Variants in KCNIP1 observed in about 807,000 individuals in gnomAD.
KCNIP1 encodes A-type potassium channel modulatory protein KCNIP1.
Under a neutral mutation model 33.0 loss-of-function variants are expected in KCNIP1, and 18 were observed. That is an observed-to-expected ratio of 0.55 (90% CI 0.38 to 0.81). The LOEUF is 0.81. KCNIP1 is among the 30% of genes least tolerant of loss of function. The probability of loss-of-function intolerance (pLI) is 0.00; values close to 1 mark genes in which losing one functional copy is unlikely to be tolerated. For missense variants in KCNIP1, 238 were observed against 271.6 expected (o/e 0.88, Z 0.87); for synonymous variants, 93 against 98.3 (o/e 0.95, Z 0.32).
intron 1 of KCNIP1, among the ~76,000 whole-genome samples, chr5:170,542,676 C>T (rs1756257129): frequency 6.6e-6 from 1 of 152,058 alleles, no homozygotes; most frequent in Non-Finnish European, 1.5e-5. Context: ...TACTTATATA[C>T]CTATGATAAA....
At chr5:170,471,490 C>T (rs1211395511) in intron 1 of KCNIP1, among the ~76,000 whole-genome samples, 1 of 152,206 alleles carries the variant, frequency 6.6e-6, no homozygotes, top group African/African-American at 2.4e-5. Flanking sequence ...TGATCCATCT[C>T]CCTTTTCACA....
chr5:170,365,875 G>T (rs958814804), intron 1 of KCNIP1, among the ~76,000 whole-genome samples: 1 of 152,146 alleles, frequency 6.6e-6, no homozygotes, highest in African/African-American at 2.4e-5. Flanking sequence ...TTAGTGTAGG[G>T]CTTGTGTCAA....
chr5:170,523,120 G>A (rs975309171), intron 1 of KCNIP1, among the ~76,000 whole-genome samples: 7 of 152,220 alleles, frequency 4.6e-5, no homozygotes, highest in Non-Finnish European at 7.3e-5. Flanking sequence ...GGAACAGGTC[G>A]AGATGGGCTG....
In KCNIP1 at chr5:170,358,699, C is replaced by T. The variant is rs73325610; in HGVS notation, c.88+4735C>T. Among the ~76,000 whole-genome samples the T allele has an allele frequency of 2.9e-3, 444 of 152,370 alleles. 2 individuals are homozygous for T. The highest frequency in any genetic ancestry group is 9.9e-3 in the African/African-American group (413 of 41,588). ...TCTGCTCTTGCAGGGCACCCGCCCC[C>T]GCTTACATTTTGTGCCCTAGGCACC... On this transcript the variant is annotated intron_variant, in intron 1 of 7. Transcript: ENST00000377360.
At chr5:170,420,817 C>T (rs910076944) in intron 1 of KCNIP1, among the ~76,000 whole-genome samples, 1 of 152,148 alleles carries the variant, frequency 6.6e-6, no homozygotes, top group Non-Finnish European at 1.5e-5. Context: ...TCTTCTCCCC[C>T]CCAACCCCAC....
chr5:170,514,325 T>C (rs1290142590), intron 1 of KCNIP1, among the ~76,000 whole-genome samples: 1 of 152,172 alleles, frequency 6.6e-6, no homozygotes. Flanking sequence ...ATCTCTGGGA[T>C]TCGCCCATGT....
chr5:170,599,434 G>A (rs937587340), intron 1 of KCNIP1, among the ~76,000 whole-genome samples: 1 of 152,076 alleles, frequency 6.6e-6, no homozygotes, highest in Non-Finnish European at 1.5e-5. Flanking sequence ...ATGAGATCAG[G>A]GCAACTAGTC....
intron 1 of KCNIP1, among the ~76,000 whole-genome samples, chr5:170,618,167 G>A (rs1387706768): frequency 6.6e-6 from 1 of 152,056 alleles, no homozygotes; most frequent in Non-Finnish European, 1.5e-5. Flanking sequence ...TAAACATCCG[G>A]GCGTAATCAC....
At chr5:170,414,637 A>C (rs958067873) in intron 1 of KCNIP1, among the ~76,000 whole-genome samples, 1 of 152,236 alleles carries the variant, frequency 6.6e-6, no homozygotes, top group East Asian at 1.9e-4. Flanking sequence ...AAACTCTTTC[A>C]AATTTAATTC....
In KCNIP1 at chr5:170,479,057, A is replaced by G. The variant is rs377637896; in HGVS notation, c.88+125093A>G. The stretch of plus-strand genomic sequence containing the variant: ...AATCCACAAATGTGTAGTGTCAGAT[A>G]GAATTCAAGCCTTCAGAAAGGACTC... On this transcript the variant is annotated intron_variant, in intron 1 of 7. Coordinates refer to the KCNIP1 transcript ENST00000377360. Among the ~76,000 whole-genome samples the G allele has an allele frequency of 5.5e-3, 840 of 152,372 alleles. 14 individuals carry two copies. The South Asian group carries it at 0.07, about 13-fold the overall frequency.
chr5:170,522,552 G>A (rs1755401662), intron 1 of KCNIP1, among the ~76,000 whole-genome samples: 1 of 152,238 alleles, frequency 6.6e-6, no homozygotes, highest in East Asian at 1.9e-4. Context: ...TGCTGGGTGT[G>A]CCAGCAAAAT....
intron 1 of KCNIP1, among the ~76,000 whole-genome samples, chr5:170,574,981 TGCTGTACA>T (rs1314864124): frequency 1.3e-5 from 2 of 152,182 alleles, no homozygotes; most frequent in Non-Finnish European, 2.9e-5. Flanking sequence ...TTCGAAGACC[TGCTGTACA>T]GCTTTCCAGC....
intron 1 of KCNIP1, among the ~76,000 whole-genome samples, chr5:170,390,876 C>T (rs1339595526): frequency 1.3e-5 from 2 of 152,118 alleles, no homozygotes; most frequent in Admixed American, 1.3e-4. Flanking sequence ...GCAGCCTGGC[C>T]TTCCCTGCTG....
At chr5:170,467,538 G>A (rs959552043) in intron 1 of KCNIP1, among the ~76,000 whole-genome samples, 1 of 152,088 alleles carries the variant, frequency 6.6e-6, no homozygotes, top group Non-Finnish European at 1.5e-5. Context: ...GCAGAGGGAG[G>A]CCCCATCCAC....
rs560131382 is a variant in KCNIP1 at position 170,653,677 on chromosome 5, C to T, written c.62-65081C>T. Among the ~76,000 whole-genome samples, 53 of 151,898 alleles carry T rather than the reference C, an allele frequency of 3.5e-4. 2 individuals are homozygous for T. Among genetic ancestry groups the T allele is most frequent in the Middle Eastern group, 3.4e-3 (1 of 294 alleles). ...CGGCACAGCATTCAGGAAGCTCAGTCTCCTTCTCTCTCTCTCTCTCATCTC... is the reference window on the plus strand; with the variant it reads ...CGGCACAGCATTCAGGAAGCTCAGTTTCCTTCTCTCTCTCTCTCTCATCTC... On this transcript the variant is annotated intron_variant, in intron 1 of 7. Coordinates refer to ENST00000328939, the MANE Select transcript of KCNIP1 (RefSeq NM_014592.4).
At chr5:170,386,999 T>G (rs189468539) in intron 1 of KCNIP1, among the ~76,000 whole-genome samples, 131 of 152,284 alleles carry the variant, frequency 8.6e-4, no homozygotes, top group Non-Finnish European at 1.6e-3. Flanking sequence ...CCTCAATCTA[T>G]GCCGCCTGGA....
At chr5:170,353,674 G>A (rs917345163) in exon 1 of KCNIP1, 4 of 602,488 alleles carry the variant, frequency 6.6e-6, no homozygotes, top group Non-Finnish European at 1.2e-5. Context: ...AGAGAGGGAG[G>A]GAGAGTTTGC....
In KCNIP1 at chr5:170,568,945, A is replaced by T. The variant is rs117218414; in HGVS notation, c.61+64312A>T. 1.2e-3 allele frequency among the ~76,000 whole-genome samples: 186 copies of T among 152,114 alleles called. 5 individuals carry two copies. In the East Asian group the frequency reaches 0.031, roughly 25 times the overall value. ...TCTCCCACATTACCTCCTATTAGGG[A>T]CTTTAATGGATGACATATTGTCACC... On this transcript the variant is annotated intron_variant, in intron 1 of 7. Transcript: ENST00000328939.
chr5:170,477,618 T>G (rs891884303), intron 1 of KCNIP1, among the ~76,000 whole-genome samples: 1 of 152,070 alleles, frequency 6.6e-6, no homozygotes. Context: ...AATTTTTGTA[T>G]TTTTTAGTAG....
Sources: allele counts gnomAD v4.1 joint callset (sites outside exome capture counted in the v4.1 genomes callset), GRCh38; gene constraint gnomAD v4.1.1; transcripts MANE v1.5; gene names NCBI Gene and HGNC (gene_info 2026-07-23, HGNC 2026-07-21).